PCLO: variants seen among roughly 807,000 people sequenced by gnomAD.
The protein encoded by PCLO is protein piccolo.
PCLO carries 82 observed loss-of-function variants against 427.5 expected under a neutral mutation model. The observed-to-expected ratio is 0.19, with a 90% confidence interval of 0.16 to 0.23. The LOEUF is 0.23. Among genes scored for constraint, PCLO ranks in the 10% least tolerant of loss-of-function variants. The pLI is 1.00. For missense variants in PCLO, 6,239 were observed against 6,115.9 expected (o/e 1.02, Z -0.67); for synonymous variants, 2,357 against 2,155.4 (o/e 1.09, Z -2.59).
At chr7:82,806,363 A>G (rs983897473) in intron 20 of PCLO, among the ~76,000 whole-genome samples, 2 of 152,158 alleles carry the variant, frequency 1.3e-5, no homozygotes, top group Admixed American at 6.5e-5. Context: ...TCTGCCTACT[A>G]TCTCCAGCAA....
chr7:83,017,616 CTAA>C (rs1788240200), intron 3 of PCLO, among the ~76,000 whole-genome samples: 1 of 151,764 alleles, frequency 6.6e-6, no homozygotes, highest in South Asian at 2.1e-4. Context: ...CATCCTTTTC[CTAA>C]TGATATATTG....
intron 3 of PCLO, among the ~76,000 whole-genome samples, chr7:83,002,598 T>C (rs1787851040): frequency 6.6e-6 from 1 of 151,898 alleles, no homozygotes. Flanking sequence ...TATTAACCAC[T>C]CCAACATCTT....
At chr7:82,848,318 T>TTTTG (rs1562816367) in intron 10 of PCLO, among the ~76,000 whole-genome samples, 1 of 145,296 alleles carries the variant, frequency 6.9e-6, no homozygotes, top group Admixed American at 6.9e-5. Context: ...TTTTTTTTTT[T>TTTTG]TTTTTTTTTT....
At chr7:82,768,604 A>T (rs1300816690) in intron 22 of PCLO, among the ~76,000 whole-genome samples, 7 of 152,062 alleles carry the variant, frequency 4.6e-5, no homozygotes, top group African/African-American at 1.7e-4. Flanking sequence ...TTTGATAAAC[A>T]TGAATATTTT....
chr7:83,150,018 G>A (rs1027982691), intron 2 of PCLO, among the ~76,000 whole-genome samples: 4 of 151,894 alleles, frequency 2.6e-5, no homozygotes, highest in Admixed American at 2.0e-4. Flanking sequence ...AGAAAACTTC[G>A]CTTAAATCCA....
At chr7:83,162,302 G>C (rs758972385) in intron 1 of PCLO, 43 bp downstream of exon 1, 1 of 1,543,556 alleles carries the variant, frequency 6.5e-7, no homozygotes. Context: ...TGCACGGGAA[G>C]CTGTACATAT....
At chr7:83,048,349 G>C (rs949259407) in intron 3 of PCLO, among the ~76,000 whole-genome samples, 8 of 152,008 alleles carry the variant, frequency 5.3e-5, no homozygotes, top group African/African-American at 1.9e-4. Flanking sequence ...AGTAAAGACA[G>C]TACTTTGAAG....
chr7:83,062,021 T>C (rs1287642967), intron 3 of PCLO, among the ~76,000 whole-genome samples: 2 of 152,162 alleles, frequency 1.3e-5, no homozygotes, highest in East Asian at 1.9e-4. Flanking sequence ...GTATATGACA[T>C]TGGGGACTAA....
At chr7:83,035,487 A>T (rs1412539723) in intron 3 of PCLO, among the ~76,000 whole-genome samples, 3 of 151,950 alleles carry the variant, frequency 2.0e-5, no homozygotes, top group Non-Finnish European at 4.4e-5. Flanking sequence ...TTAACCTAAT[A>T]AAAAAAAGAT....
chr7:83,157,384 CT>C (rs761201570), intron 1 of PCLO, among the ~76,000 whole-genome samples: 43 of 152,104 alleles, frequency 2.8e-4, no homozygotes, highest in Non-Finnish European at 4.9e-4. Flanking sequence ...ATATATCTTA[CT>C]TAGTGTTTGC....
intron 3 of PCLO, among the ~76,000 whole-genome samples, chr7:83,073,477 G>A (rs1046970332): frequency 3.3e-5 from 5 of 151,876 alleles, no homozygotes; most frequent in Non-Finnish European, 7.4e-5. Context: ...AAGATAAATG[G>A]CAATATGAAT....
chr7:83,105,942 A>G (rs925994875), intron 3 of PCLO, among the ~76,000 whole-genome samples: 5 of 114,668 alleles, frequency 4.4e-5, no homozygotes, highest in Non-Finnish European at 7.2e-5. Context: ...TGGGCAAGAA[A>G]GGTTTGTTTG....
chr7:82,849,793 T>C, intron 10 of PCLO, among the ~76,000 whole-genome samples: 1 of 152,156 alleles, frequency 6.6e-6, no homozygotes, highest in East Asian at 1.9e-4. Flanking sequence ...GGTTTGAATA[T>C]AAGCATTTTT....
chr7:82,960,588 T>C (rs1006489646), intron 4 of PCLO, among the ~76,000 whole-genome samples: 3 of 152,198 alleles, frequency 2.0e-5, no homozygotes, highest in Non-Finnish European at 4.4e-5. Context: ...TAAAATTCTA[T>C]AGCAATATGA....
chr7:82,860,910 A>C (rs1365856852), intron 10 of PCLO, among the ~76,000 whole-genome samples: 1 of 152,034 alleles, frequency 6.6e-6, no homozygotes, highest in Non-Finnish European at 1.5e-5. Context: ...ATAATGGGTT[A>C]TAAGATAGTA....
chr7:82,781,333 C>A (rs1213630617), intron 22 of PCLO, among the ~76,000 whole-genome samples: 2 of 151,556 alleles, frequency 1.3e-5, no homozygotes, highest in African/African-American at 2.4e-5. Flanking sequence ...TCCAGCCCCC[C>A]AAAAAAACCC....
intron 3 of PCLO, among the ~76,000 whole-genome samples, chr7:82,984,904 T>C (rs539323569): frequency 6.6e-6 from 1 of 152,158 alleles, no homozygotes; most frequent in South Asian, 2.1e-4. Context: ...GCAATGTATG[T>C]CAAATTAGAA....
Position 82,952,453 on chromosome 7 carries a change from G to T in PCLO, c.8500C>A (p.Pro2834Thr), listed in dbSNP as rs1562878503. The T allele has an allele frequency of 6.2e-7, 1 of 1,613,874 alleles. No individual in the cohort carries two copies. Among genetic ancestry groups the T allele is most frequent in the South Asian group, 1.1e-5 (1 of 91,082 alleles). ...TGGTCACTTGGTATCCTGTATGGGG[G>T]CTCAGCATGCTTTGATGTTGTAAGT... ...LQLTTSKHAE[P>T]PYRIPSDQVF... is the part of the protein sequence containing the mutation. Residue 2834 changes from proline to threonine, a missense_variant, in exon 5 of 25, where the codon CCC becomes ACC. Pro to Thr is a conservative substitution (Grantham distance 38). Around this residue, in one of 5 missense-constraint regions of PCLO, gnomAD observed 4,677 missense variants for 4,468.4 expected, o/e 1.05. Coordinates refer to ENST00000333891, the MANE Select transcript of PCLO (RefSeq NM_033026.6).
At chr7:82,821,367 G>A in intron 20 of PCLO, 4 of 985,880 alleles carry the variant, frequency 4.1e-6, no homozygotes, top group Non-Finnish European at 3.6e-6. Context: ...TGTTATTCAT[G>A]CAAACAGAAG....
Sources: allele counts gnomAD v4.1 joint callset (sites outside exome capture counted in the v4.1 genomes callset), GRCh38; gene constraint gnomAD v4.1.1; regional missense constraint gnomAD v4.1.1; transcripts MANE v1.5; gene names NCBI Gene and HGNC (gene_info 2026-07-23, HGNC 2026-07-21).